The following LRRTM3 variants were observed in gnomAD, a reference collection of about 807,000 sequenced individuals.
LRRTM3 encodes leucine rich repeat transmembrane neuronal 3, also known as leucine-rich repeat transmembrane neuronal protein 3.
In LRRTM3, 24 loss-of-function variants were observed where a neutral mutation model predicts 44.7. That is an observed-to-expected ratio of 0.54 (90% CI 0.39 to 0.76). The LOEUF is 0.76. LRRTM3 is among the 30% of genes least tolerant of loss of function. The probability of loss-of-function intolerance (pLI) is 0.00; values close to 1 mark genes in which losing one functional copy is unlikely to be tolerated. For synonymous variants in LRRTM3, 277 were observed against 278.7 expected (o/e 0.99, Z 0.06); for missense variants, 587 against 702.2 (o/e 0.84, Z 1.85).
intron 2 of LRRTM3, among the ~76,000 whole-genome samples, chr10:67,015,115 T>C (rs531055928): frequency 6.2e-4 from 95 of 152,268 alleles, no homozygotes; most frequent in African/African-American, 2.2e-3. Context: ...GTAGTAGCTA[T>C]TAACCCCATG....
At chr10:67,012,856 C>T (rs1397383554) in intron 2 of LRRTM3, 1 of 151,972 alleles carries the variant, frequency 6.6e-6, no homozygotes, top group African/African-American at 2.4e-5. Context: ...ATATGTTCTG[C>T]AGGTGGGAAA....
At chr10:66,997,175 C>G (rs550934298) in intron 2 of LRRTM3, among the ~76,000 whole-genome samples, 1 of 152,036 alleles carries the variant, frequency 6.6e-6, no homozygotes. Context: ...GCAAAACAAC[C>G]CTTTGTATTA....
chr10:66,935,308 C>T (rs1847633357), intron 2 of LRRTM3, among the ~76,000 whole-genome samples: 1 of 151,888 alleles, frequency 6.6e-6, no homozygotes, highest in Non-Finnish European at 1.5e-5. Flanking sequence ...CTCTAAGGTA[C>T]AACAGTGAAA....
chr10:67,049,964 T>C (rs934073277), intron 2 of LRRTM3, among the ~76,000 whole-genome samples: 11 of 152,250 alleles, frequency 7.2e-5, no homozygotes, highest in African/African-American at 2.7e-4. Flanking sequence ...GGATGTATTA[T>C]TCATAACTTA....
At chr10:66,983,365 C>T (rs966950520) in intron 2 of LRRTM3, among the ~76,000 whole-genome samples, 1 of 152,084 alleles carries the variant, frequency 6.6e-6, no homozygotes, top group South Asian at 2.1e-4. Context: ...GCAGGGGCAG[C>T]CCCAACTAAT....
At chr10:66,983,871 G>A (rs949783297) in intron 2 of LRRTM3, among the ~76,000 whole-genome samples, 3 of 152,212 alleles carry the variant, frequency 2.0e-5, no homozygotes, top group Admixed American at 1.3e-4. Flanking sequence ...AATAGCTAAT[G>A]TTTTAGCACT....
chr10:67,004,974 C>T (rs1851887345), intron 2 of LRRTM3, among the ~76,000 whole-genome samples: 1 of 152,074 alleles, frequency 6.6e-6, no homozygotes. Flanking sequence ...ATTAGTAAGA[C>T]TGAATTTGTT....
chr10:67,020,016 A>T lies in LRRTM3; in HGVS notation c.1537-77571A>T, dbSNP rs1239978414. Among the ~76,000 whole-genome samples, 36 of 2,424 alleles carry T rather than the reference A, an allele frequency of 0.015. No homozygotes were observed. The Admixed American group carries it at 0.38, about 25-fold the overall frequency. The allele number at this position is 2,424 out of a possible 152,430, so 1.6% of individuals were successfully genotyped here. On this transcript the variant is annotated intron_variant, in intron 2 of 2. Coordinates refer to ENST00000361320, the MANE Select transcript of LRRTM3 (RefSeq NM_178011.5). ...ACATAATTGTGTTAATACCAATATC[A>T]ACTGCTTTCCCTCACTGTGTCAAGA... is the stretch of plus-strand genomic sequence containing the variant.
intron 2 of LRRTM3, among the ~76,000 whole-genome samples, chr10:67,051,404 TA>T (rs2133185681): frequency 6.6e-6 from 1 of 152,336 alleles, no homozygotes; most frequent in South Asian, 2.1e-4. Flanking sequence ...TTTTAACAGC[TA>T]ATAAGCCAAG....
intron 2 of LRRTM3, among the ~76,000 whole-genome samples, chr10:66,997,724 G>A (rs1196157899): frequency 2.0e-5 from 3 of 151,904 alleles, no homozygotes; most frequent in Non-Finnish European, 4.4e-5. Flanking sequence ...ACCTTATTCC[G>A]TCATAACAAT....
chr10:66,945,266 G>T (rs191874240), intron 2 of LRRTM3, among the ~76,000 whole-genome samples: 26 of 152,326 alleles, frequency 1.7e-4, no homozygotes, highest in Admixed American at 8.5e-4. Flanking sequence ...TAGATCTTCT[G>T]AATAACTTGT....
At chr10:67,045,913 A>G (rs2133165143) in intron 2 of LRRTM3, among the ~76,000 whole-genome samples, 1 of 152,360 alleles carries the variant, frequency 6.6e-6, no homozygotes, top group Non-Finnish European at 1.5e-5. Flanking sequence ...TACTGGAAGA[A>G]AAATGCACAA....
intron 2 of LRRTM3, among the ~76,000 whole-genome samples, chr10:67,009,879 C>A (rs909875355): frequency 6.6e-6 from 1 of 152,102 alleles, no homozygotes; most frequent in African/African-American, 2.4e-5. Context: ...ATGGTTTGTA[C>A]GTACTGTCTC....
chr10:67,084,216 A>G (rs569328270), intron 2 of LRRTM3, among the ~76,000 whole-genome samples: 20 of 152,120 alleles, frequency 1.3e-4, no homozygotes, highest in Non-Finnish European at 2.6e-4. Context: ...CTATCCTCAT[A>G]TGTATTGTTC....
chr10:66,927,724 G>A lies in LRRTM3; in HGVS notation c.808G>A (p.Gly270Arg). 6.2e-7 allele frequency: 1 copy of A among 1,614,168 alleles called. No homozygotes were observed. Among genetic ancestry groups the A allele is most frequent in the Non-Finnish European group, 8.5e-7 (1 of 1,180,038 alleles). Reference protein sequence around the residue: ...LSGNEIEAFSGPSVFQCVPNL... With the variant: ...LSGNEIEAFSRPSVFQCVPNL... Reference sequence around the variant, plus strand: ...AGGCAATGAGATCGAAGCTTTCAGTGGACCCAGTGTTTTCCAGTGTGTCCC... The same window carrying A: ...AGGCAATGAGATCGAAGCTTTCAGTAGACCCAGTGTTTTCCAGTGTGTCCC... The change falls in exon 2 of 3, where the codon GGA becomes AGA. Residue 270 changes from glycine (G) to arginine (R), a missense_variant. Gly to Arg is a moderately radical substitution (Grantham distance 125). Coordinates refer to ENST00000361320, the MANE Select transcript of LRRTM3 (RefSeq NM_178011.5). The surrounding 1 kb of genome is among the most constrained non-coding windows in gnomAD (Gnocchi z 4.7).
At position 66,928,461 on chromosome 10, in the gene LRRTM3, C is replaced by A. The variant is rs371588830; in HGVS notation, c.1536+9C>A. 5.7e-6 allele frequency: 9 copies of A among 1,579,774 alleles called. No homozygotes were observed. The African/African-American group carries it at 1.1e-4, about 19-fold the overall frequency. ...GCTCCAGGGAGTGTGAGGTATGAAC[C>A]ATTGTGATAAAAAGAGCTCTTAAAA... On this transcript the variant is annotated intron_variant, in intron 2 of 2. Coordinates refer to ENST00000361320, the MANE Select transcript of LRRTM3 (RefSeq NM_178011.5).
At chr10:67,052,268 T>C (rs1855146668) in intron 2 of LRRTM3, among the ~76,000 whole-genome samples, 1 of 151,276 alleles carries the variant, frequency 6.6e-6, no homozygotes, top group South Asian at 2.1e-4. Flanking sequence ...TCAGTACAGA[T>C]GATCAAGGTG....
intron 2 of LRRTM3, among the ~76,000 whole-genome samples, chr10:66,934,440 T>C (rs1431933443): frequency 6.6e-6 from 1 of 152,112 alleles, no homozygotes; most frequent in East Asian, 1.9e-4. Flanking sequence ...AGAGCAGCAT[T>C]ATCTCCAAAA....
intron 2 of LRRTM3, among the ~76,000 whole-genome samples, chr10:66,975,675 T>A (rs544515017): frequency 6.6e-6 from 1 of 152,288 alleles, no homozygotes; most frequent in South Asian, 2.1e-4. Context: ...AGCTGGTTCA[T>A]CCACAAGTTT....
Sources: allele counts gnomAD v4.1 joint callset (sites outside exome capture counted in the v4.1 genomes callset), GRCh38; gene constraint gnomAD v4.1.1; non-coding constraint Gnocchi (gnomAD v3.1); transcripts MANE v1.5; gene names NCBI Gene and HGNC (gene_info 2026-07-23, HGNC 2026-07-21).